Variants in MRC2 observed in about 807,000 individuals in gnomAD.
The protein encoded by MRC2 is mannose receptor C-type 2.
Under a neutral mutation model 206.2 loss-of-function variants are expected in MRC2, and 84 were observed. The observed-to-expected ratio is 0.41, with a 90% CI of 0.34 to 0.49. The LOEUF (loss-of-function observed/expected upper bound fraction) is 0.49. Among genes scored for constraint, MRC2 ranks in the 20% least tolerant of loss-of-function variants. MRC2 has a pLI of 0.31. For missense variants in MRC2, 1,676 were observed against 2,001.5 expected, an observed-to-expected ratio of 0.84 and a Z score of 3.10; for synonymous variants, 798 against 800.0, an observed-to-expected ratio of 1.00 and a Z score of 0.04.
chr17:62,678,154 C>T (rs937571522), intron 12 of MRC2, among the ~76,000 whole-genome samples: 3 of 152,194 alleles, frequency 2.0e-5, no homozygotes, highest in African/African-American at 4.8e-5. Context: ...TTTTTAATCA[C>T]GCTAGGTTTG....
Position 62,692,231 on chromosome 17 carries a change from C to T in MRC2, c.4220C>T (p.Ala1407Val), listed in dbSNP as rs762759375. Reference sequence around the variant, plus strand: ...CTTTCACGCCCACTCGCCTTGGCAGCGCTTCCAGAGAACCCAGCGGCCCTG... The same window carrying T: ...CTTTCACGCCCACTCGCCTTGGCAGTGCTTCCAGAGAACCCAGCGGCCCTG... ...RAEQSSFSPSALPENPAALVV... is the reference protein window; with the variant it reads ...RAEQSSFSPSVLPENPAALVV... Residue 1407 changes from alanine (A) to valine (V), a missense_variant and splice_region_variant, in exon 30 of 30, where the codon GCG becomes GTG. Coordinates refer to ENST00000303375, the MANE Select transcript of MRC2 (RefSeq NM_006039.5). The surrounding 1 kb of genome is among the most constrained non-coding windows in gnomAD (Gnocchi z 4.2). The T allele has an allele frequency of 1.0e-4, 164 of 1,611,556 alleles. No individual in the cohort carries two copies. The highest frequency in any genetic ancestry group is 1.8e-4 in the South Asian group (16 of 90,804).
chr17:62,657,449 T>C (rs2088631224), intron 1 of MRC2, among the ~76,000 whole-genome samples: 2 of 152,150 alleles, frequency 1.3e-5, no homozygotes, highest in African/African-American at 2.4e-5. Context: ...TAAGAACATA[T>C]TGAGCCACAG....
intron 1 of MRC2, among the ~76,000 whole-genome samples, chr17:62,643,327 C>CAAAAA (rs59698063): frequency 4.5e-5 from 2 of 44,150 alleles, no homozygotes; most frequent in African/African-American, 5.8e-5. Flanking sequence ...GAAACTCCGT[C>CAAAAA]AAAAAAAAAA....
intron 1 of MRC2, among the ~76,000 whole-genome samples, chr17:62,638,285 C>T (rs888065725): frequency 4.6e-5 from 7 of 151,524 alleles, no homozygotes; most frequent in Non-Finnish European, 8.8e-5. Flanking sequence ...CATGATGCCA[C>T]GGTCATGAAA....
Position 62,690,008 on chromosome 17 carries a change from C to T in MRC2, c.3688C>T (p.Arg1230Cys), listed in dbSNP as rs771351364. 6.2e-6 allele frequency: 10 copies of T among 1,611,156 alleles called. No homozygotes were observed. Among genetic ancestry groups the T allele is most frequent in the East Asian group, 2.2e-5 (1 of 44,870 alleles). The change falls in exon 25 of 30, where the codon CGC (arginine) becomes TGC (cysteine). Residue 1230 changes from arginine (R) to cysteine (C), a missense_variant. This residue lies in a region of MRC2 where 1,354 missense variants were observed against 1,636.6 expected (regional missense o/e 0.83). Coordinates refer to ENST00000303375, the MANE Select transcript of MRC2 (RefSeq NM_006039.5). ...CTACGTAGATGTGGACGGGGCCTGG[C>T]GCACCACCAGCTGTGACACCAAGCT... ...CTYVDVDGAWRTTSCDTKLQG... is the reference protein window; with the variant it reads ...CTYVDVDGAWCTTSCDTKLQG...
intron 1 of MRC2, among the ~76,000 whole-genome samples, chr17:62,631,281 C>T (rs1181875172): frequency 1.3e-5 from 2 of 152,042 alleles, no homozygotes; most frequent in Non-Finnish European, 2.9e-5. Context: ...TGGTGGGCGC[C>T]GTGCTGGGTC....
At position 62,680,539 on chromosome 17, in the gene MRC2, T is replaced by G; in HGVS notation, c.2473+86T>G. The G allele has an allele frequency of 6.4e-7, 1 of 1,553,550 alleles. No individual in the cohort carries two copies. The highest frequency in any genetic ancestry group is 1.1e-5 in the South Asian group (1 of 88,574). ...TAAGTCCCGAGAGGCCTGAATGAAA[T>G]GGAGGGGATGAGGAGTTCCGGTCGA... On this transcript the variant is annotated intron_variant, in intron 16 of 29. Transcript: ENST00000303375. This position sits in a 1 kb window ranked among gnomAD's most constrained non-coding sequence, Gnocchi z 4.8.
In MRC2 at chr17:62,690,114, G is replaced by A. The variant is rs111776529; in HGVS notation, c.3743-42G>A. The A allele has an allele frequency of 1.7e-4, 274 of 1,581,730 alleles. 1 individual carries two copies. In the African/African-American group the frequency reaches 2.8e-3, roughly 16 times the overall value. On this transcript the variant is annotated intron_variant, in intron 25 of 29. Transcript: ENST00000303375. ...GCATGGGCAAGCTGTCGGTGGCCCC[G>A]GGGAGGGTGCTGAGCCACTTCTTAA... is the stretch of plus-strand genomic sequence containing the variant.
rs2088826972 is a variant in MRC2 at position 62,671,641 on chromosome 17, C to A, written c.1118-8C>A. 6.4e-7 allele frequency: 1 copy of A among 1,561,074 alleles called. No homozygotes were observed. The highest frequency in any genetic ancestry group is 1.4e-5 in the African/African-American group (1 of 73,812). On this transcript the variant is annotated splice_region_variant and splice_polypyrimidine_tract_variant and intron_variant, in intron 6 of 29. Transcript: ENST00000303375. The surrounding 1 kb of genome is among the most constrained non-coding windows in gnomAD (Gnocchi z 4.5). ...GTCCCTGAGCAGCAGCCTCATGGGT[C>A]TCTGCAGACAGGTGGGCCAATGTGA...
Position 62,634,229 on chromosome 17 carries a change from G to A in MRC2, c.118+6309G>A, listed in dbSNP as rs560963888. On this transcript the variant is annotated intron_variant, in intron 1 of 29. Transcript: ENST00000303375. ...GACATTTGTAAACTGTCGTGGCGCT[G>A]ATAGGAGTATCTTTTAGCATGCCAA... is the stretch of plus-strand genomic sequence containing the variant. Among the ~76,000 whole-genome samples, 30 of 152,248 alleles carry A rather than the reference G, an allele frequency of 2.0e-4. No individual in the cohort carries two copies. In the Middle Eastern group the frequency reaches 0.014, roughly 69 times the overall value.
At chr17:62,685,259 C>G (rs963364175) in intron 20 of MRC2, among the ~76,000 whole-genome samples, 2 of 152,070 alleles carry the variant, frequency 1.3e-5, no homozygotes, top group African/African-American at 4.8e-5. Flanking sequence ...CAAAACTCAC[C>G]CAACACTCTC....
At chr17:62,633,792 G>T (rs1477668597) in intron 1 of MRC2, among the ~76,000 whole-genome samples, 1 of 122,884 alleles carries the variant, frequency 8.1e-6, no homozygotes, top group African/African-American at 3.0e-5. Flanking sequence ...AGTGAGCCAC[G>T]ATTGCATCAT....
Position 62,689,523 on chromosome 17 carries a change from C to A in MRC2, c.3336C>A (p.Asp1112Glu), listed in dbSNP as rs538482043. ...THGFICQKGT[D>E]PSLSPSPAAL... Reference sequence around the variant, plus strand: ...TGAACCCTGACCCCTTCCCTGTAGACCCCTCCCTGAGCCCGTCCCCAGCAG... The same window carrying A: ...TGAACCCTGACCCCTTCCCTGTAGAACCCTCCCTGAGCCCGTCCCCAGCAG... Residue 1112 changes from aspartate to glutamate, a missense_variant and splice_region_variant, in exon 24 of 30, where the codon GAC (aspartate) becomes GAA (glutamate). By Grantham distance (45) the Asp-to-Glu change is conservative. This residue lies in a region of MRC2 where 1,354 missense variants were observed against 1,636.6 expected (regional missense o/e 0.83). Transcript: ENST00000303375. The A allele has an allele frequency of 1.9e-6, 3 of 1,560,886 alleles. No individual in the cohort carries two copies. The highest frequency in any genetic ancestry group is 1.2e-5 in the South Asian group (1 of 82,910).
At position 62,667,397 on chromosome 17, in the gene MRC2, G is replaced by A. The variant is rs375103111; in HGVS notation, c.981G>A (p.Pro327=). The A allele has an allele frequency of 2.6e-5, 41 of 1,598,860 alleles. No individual in the cohort carries two copies. In the African/African-American group the frequency reaches 4.3e-4, roughly 17 times the overall value. The change falls in exon 6 of 30, where the codon CCG becomes CCA. Residue 327 remains proline, a synonymous_variant. Coordinates refer to ENST00000303375, the MANE Select transcript of MRC2 (RefSeq NM_006039.5). The surrounding 1 kb of genome is among the most constrained non-coding windows in gnomAD (Gnocchi z 4.1). ...LKYLNWESDQ[P]DNPSEENCGV... is the part of the protein sequence containing the mutation. ...GCCCTGCCCTCCCCACAGACCAGCC[G>A]GACAACCCCAGTGAGGAGAACTGTG...
intron 1 of MRC2, among the ~76,000 whole-genome samples, chr17:62,636,883 A>C (rs2088327877): frequency 6.6e-6 from 1 of 151,862 alleles, no homozygotes; most frequent in Non-Finnish European, 1.5e-5. Context: ...CTGGGATTAC[A>C]GGCACAAACC....
chr17:62,678,813 T>C (rs895306471), intron 13 of MRC2, among the ~76,000 whole-genome samples, 167 bp downstream of exon 13: 10 of 152,162 alleles, frequency 6.6e-5, no homozygotes, highest in Non-Finnish European at 1.5e-4. Context: ...TTGTCCTCAC[T>C]CAAGTAGCCA....
In MRC2 at chr17:62,667,371, C is replaced by A; in HGVS notation, c.974-19C>A. On this transcript the variant is annotated intron_variant, in intron 5 of 29. Coordinates refer to ENST00000303375, the MANE Select transcript of MRC2 (RefSeq NM_006039.5). The surrounding 1 kb of genome is among the most constrained non-coding windows in gnomAD (Gnocchi z 4.1). The stretch of plus-strand genomic sequence containing the variant: ...GAGCTTCTCTCTCCGGGGGTGCTGG[C>A]GCCCTGCCCTCCCCACAGACCAGCC... 1 of 1,574,766 alleles carries A rather than the reference C, an allele frequency of 6.4e-7. No individual in the cohort carries two copies. The highest frequency in any genetic ancestry group is 1.4e-5 in the African/African-American group (1 of 73,420).
intron 26 of MRC2, 38 bp from the exon 27 acceptor site, chr17:62,690,604 G>C (rs2089096114): frequency 6.4e-7 from 1 of 1,550,476 alleles, no homozygotes; most frequent in Non-Finnish European, 8.7e-7. Context: ...CCCCCCCGGA[G>C]ACCCATCCGC....
chr17:62,682,184 CCTGCCCTGCT>C (rs956882878), intron 19 of MRC2, 41 bp from the exon 20 acceptor site: 1 of 1,494,168 alleles, frequency 6.7e-7, no homozygotes, highest in African/African-American at 1.4e-5. Context: ...CCAGCCATGC[CCTGCCCTGCT>C]CTGCCCTGGG....
Sources: allele counts gnomAD v4.1 joint callset (sites outside exome capture counted in the v4.1 genomes callset), GRCh38; gene constraint gnomAD v4.1.1; regional missense constraint gnomAD v4.1.1; non-coding constraint Gnocchi (gnomAD v3.1); transcripts MANE v1.5; gene names NCBI Gene and HGNC (gene_info 2026-07-23, HGNC 2026-07-21).